The following ASCC3 variants were observed in gnomAD, a reference collection of about 807,000 sequenced individuals.
ASCC3 encodes activating signal cointegrator 1 complex subunit 3.
A neutral mutation model predicts 256.3 loss-of-function variants in ASCC3; 158 were observed. The observed-to-expected ratio is 0.62, with a 90% CI of 0.54 to 0.70. The LOEUF (loss-of-function observed/expected upper bound fraction) is 0.70. ASCC3 is among the 30% of genes least tolerant of loss of function. The probability of loss-of-function intolerance (pLI) is 0.00; values close to 1 mark genes in which losing one functional copy is unlikely to be tolerated. For missense variants in ASCC3, 2,259 were observed against 2,626.0 expected (o/e 0.86, Z 3.05); for synonymous variants, 948 against 883.4 (o/e 1.07, Z -1.30).
At chr6:100,870,631 ACT>A (rs1008021512) in intron 1 of ASCC3, among the ~76,000 whole-genome samples, 2 of 152,236 alleles carry the variant, frequency 1.3e-5, no homozygotes, top group African/African-American at 4.8e-5. Context: ...AAACAGTTGG[ACT>A]CTCTACATCA....
chr6:100,548,245 A>G (rs1769091203), intron 36 of ASCC3, among the ~76,000 whole-genome samples: 1 of 151,836 alleles, frequency 6.6e-6, no homozygotes, highest in African/African-American at 2.4e-5. Context: ...TAACGATGGA[A>G]CCCCTTAGAG....
At chr6:100,837,901 G>T (rs1771955092) in intron 4 of ASCC3, among the ~76,000 whole-genome samples, 1 of 152,042 alleles carries the variant, frequency 6.6e-6, no homozygotes, top group Non-Finnish European at 1.5e-5. Flanking sequence ...TGTAAAAAAG[G>T]AATGATAAAT....
At chr6:100,774,185 T>C (rs931731785) in intron 8 of ASCC3, among the ~76,000 whole-genome samples, 2 of 152,192 alleles carry the variant, frequency 1.3e-5, no homozygotes, top group South Asian at 2.1e-4. Flanking sequence ...TGAGATAGCG[T>C]CTTGCTCTGT....
At chr6:100,608,533 C>T (rs1483454762) in intron 30 of ASCC3, among the ~76,000 whole-genome samples, 1 of 3,312 alleles carries the variant, frequency 3.0e-4, no homozygotes, top group African/African-American at 8.3e-4. Flanking sequence ...TATATATATA[C>T]TTTATATATA....
At chr6:100,874,803 C>A (rs1238207769) in intron 1 of ASCC3, among the ~76,000 whole-genome samples, 1 of 151,790 alleles carries the variant, frequency 6.6e-6, no homozygotes, top group Non-Finnish European at 1.5e-5. Context: ...TGGGAGGGCA[C>A]TAGATATAAA....
Position 100,698,520 on chromosome 6 carries a change from CTAACTTAAAA to C in ASCC3, c.2151+16932_2151+16941del, listed in dbSNP as rs1421709651. ...AGAAATTTAAAAAAGCAAAAATATA[CTAACTTAAAA>C]TAACTGGTGACAAAAATGATAAGTC... On this transcript the variant is annotated intron_variant, in intron 13 of 41. Transcript: ENST00000369162. 7.2e-5 allele frequency among the ~76,000 whole-genome samples: 11 copies of C among 151,884 alleles called. No individual in the cohort carries two copies. The East Asian group carries it at 2.1e-3, about 29-fold the overall frequency.
At chr6:100,781,665 G>T (rs992307752) in intron 8 of ASCC3, among the ~76,000 whole-genome samples, 16 of 151,664 alleles carry the variant, frequency 1.1e-4, no homozygotes, top group African/African-American at 3.6e-4. Flanking sequence ...TGGGATTACA[G>T]GTGTGAGCCA....
chr6:100,725,727 A>G (rs1779587781), intron 10 of ASCC3, 24 bp from the exon 11 acceptor site: 2 of 1,611,304 alleles, frequency 1.2e-6, no homozygotes, highest in Non-Finnish European at 1.7e-6. Context: ...CACATTTTAA[A>G]AGGGGAAAGT....
chr6:100,559,639 C>T (rs577581944), intron 36 of ASCC3, among the ~76,000 whole-genome samples: 1 of 152,268 alleles, frequency 6.6e-6, no homozygotes, highest in East Asian at 1.9e-4. Flanking sequence ...CACCTGAGGT[C>T]AGGAGTTTAA....
At chr6:100,655,915 A>T in intron 16 of ASCC3, 97 bp from the exon 17 acceptor site, 1 of 1,365,308 alleles carries the variant, frequency 7.3e-7, no homozygotes, top group Non-Finnish European at 1.0e-6. Context: ...TTAAAAATAC[A>T]TCATTATGCA....
intron 23 of ASCC3, among the ~76,000 whole-genome samples, chr6:100,643,435 A>G (rs1775225990): frequency 6.6e-6 from 1 of 152,078 alleles, no homozygotes; most frequent in Admixed American, 6.6e-5. Flanking sequence ...CATATTCTAC[A>G]CCTCTGGAAC....
At chr6:100,673,592 A>T (rs973403395) in intron 14 of ASCC3, among the ~76,000 whole-genome samples, 1 of 152,220 alleles carries the variant, frequency 6.6e-6, no homozygotes, top group African/African-American at 2.4e-5. Context: ...ATAAAATTTC[A>T]ATGCTATTTA....
intron 13 of ASCC3, among the ~76,000 whole-genome samples, chr6:100,688,013 A>C (rs913161901): frequency 6.6e-6 from 1 of 151,948 alleles, no homozygotes; most frequent in Non-Finnish European, 1.5e-5. Flanking sequence ...AAAAAAAAAA[A>C]CCTGATACTA....
At chr6:100,676,129 G>C (rs921946613) in intron 14 of ASCC3, among the ~76,000 whole-genome samples, 4 of 151,582 alleles carry the variant, frequency 2.6e-5, no homozygotes. Flanking sequence ...AAATATGTAG[G>C]GTAAATTAAG....
intron 36 of ASCC3, among the ~76,000 whole-genome samples, chr6:100,551,066 T>G (rs1053722292): frequency 6.6e-6 from 1 of 151,960 alleles, no homozygotes; most frequent in African/African-American, 2.4e-5. Context: ...CTTTTCTTAG[T>G]GCATGAAGTA....
intron 4 of ASCC3, among the ~76,000 whole-genome samples, chr6:100,820,738 C>T (rs1186212280): frequency 3.3e-5 from 5 of 151,752 alleles, no homozygotes; most frequent in Non-Finnish European, 5.9e-5. Context: ...ATGTATCTAT[C>T]TGATAAGGGG....
intron 11 of ASCC3, among the ~76,000 whole-genome samples, chr6:100,723,132 T>C (rs1423284375): frequency 1.3e-5 from 2 of 151,722 alleles, no homozygotes; most frequent in African/African-American, 2.4e-5. Context: ...CTCATACTGA[T>C]TCATATTCTT....
chr6:100,821,227 T>C (rs1199472363), intron 4 of ASCC3, among the ~76,000 whole-genome samples: 1 of 152,080 alleles, frequency 6.6e-6, no homozygotes, highest in East Asian at 1.9e-4. Context: ...GGTTGCCCAG[T>C]TGAGTCTCAA....
rs561128388 is a variant in ASCC3, at chr6:100,757,964, C to T, written c.1737+8601G>A. On this transcript the variant is annotated intron_variant, in intron 10 of 41. Transcript: ENST00000369162. ...TTTTGACAACACCAGCCAAACACCACAGAGAATGAAAGTGCTCCTCTCCCA... is the reference window on the plus strand; with the variant it reads ...TTTTGACAACACCAGCCAAACACCATAGAGAATGAAAGTGCTCCTCTCCCA... 2.6e-5 allele frequency among the ~76,000 whole-genome samples: 4 copies of T among 152,300 alleles called. No individual in the cohort carries two copies. The South Asian group carries it at 8.3e-4, about 32-fold the overall frequency.
Sources: gnomAD v4.1 joint callset for allele counts (sites outside exome capture counted in the v4.1 genomes callset) on GRCh38, gnomAD v4.1.1 for gene constraint, MANE v1.5 for transcripts, NCBI Gene and HGNC (gene_info 2026-07-23, HGNC 2026-07-21) for gene names.